Variants in GRHL2 observed in about 807,000 individuals in gnomAD.
The protein encoded by GRHL2 is grainyhead-like protein 2 homolog.
GRHL2 carries 21 observed loss-of-function variants against 83.8 expected under a neutral mutation model. That is an observed-to-expected ratio of 0.25 (90% CI 0.18 to 0.36). The LOEUF (loss-of-function observed/expected upper bound fraction) is 0.36. GRHL2 is among the 10% of genes least tolerant of loss of function. GRHL2 has a pLI of 1.00. For missense variants in GRHL2, 623 were observed against 781.8 expected, an observed-to-expected ratio of 0.80 and a Z score of 2.42; for synonymous variants, 280 against 278.9, an observed-to-expected ratio of 1.00 and a Z score of -0.04.
chr8:101,503,061 T>C (rs552956071), intron 1 of GRHL2, among the ~76,000 whole-genome samples: 1 of 152,300 alleles, frequency 6.6e-6, no homozygotes, highest in East Asian at 1.9e-4. Context: ...TTTATTTAGG[T>C]CGGGAATAAA....
rs932291665 is a variant in GRHL2 at position 101,604,962 on chromosome 8, C to T, written c.1098+5811C>T. Among the ~76,000 whole-genome samples the T allele has an allele frequency of 2.6e-5, 4 of 152,200 alleles. No homozygotes were observed. The South Asian group carries it at 8.3e-4, about 32-fold the overall frequency. Reference sequence around the variant, plus strand: ...GATTACTTTCCTGAGTGATGTCTATCCTGCTCCTCCTTCCCGCTGTGTGTT... The same window carrying T: ...GATTACTTTCCTGAGTGATGTCTATTCTGCTCCTCCTTCCCGCTGTGTGTT... On this transcript the variant is annotated intron_variant, in intron 8 of 15. Transcript: ENST00000646743.
At chr8:101,569,416 A>C (rs6468779) in intron 4 of GRHL2, among the ~76,000 whole-genome samples, 6,509 of 152,246 alleles carry the variant, frequency 0.043, 429 homozygotes, top group African/African-American at 0.15. Context: ...TAGTATTTAT[A>C]CATGTACATA....
chr8:101,598,222 C>T (rs545442767), intron 7 of GRHL2, among the ~76,000 whole-genome samples: 30 of 148,386 alleles, frequency 2.0e-4, no homozygotes, highest in Admixed American at 1.2e-3. Context: ...CTCAACTCTC[C>T]ATACCTAAGT....
intron 7 of GRHL2, among the ~76,000 whole-genome samples, chr8:101,582,255 G>T (rs1344947651): frequency 1.5e-5 from 2 of 130,198 alleles, no homozygotes; most frequent in Admixed American, 7.7e-5. Context: ...AAAAAAAATG[G>T]GACTGACAAA....
intron 1 of GRHL2, among the ~76,000 whole-genome samples, chr8:101,518,675 C>T (rs1289736457): frequency 6.6e-6 from 1 of 152,184 alleles, no homozygotes; most frequent in African/African-American, 2.4e-5. Flanking sequence ...GAACGATTCA[C>T]TCCAAGTCAA....
At chr8:101,586,689 A>G (rs1197203541) in intron 7 of GRHL2, among the ~76,000 whole-genome samples, 1 of 152,200 alleles carries the variant, frequency 6.6e-6, no homozygotes, top group African/African-American at 2.4e-5. Flanking sequence ...CTGGTACAGA[A>G]CCTGGCAGAG....
intron 1 of GRHL2, among the ~76,000 whole-genome samples, chr8:101,532,344 T>A (rs865992225): frequency 5.9e-5 from 9 of 152,234 alleles, no homozygotes; most frequent in Non-Finnish European, 1.3e-4. Flanking sequence ...TATGGTCATT[T>A]TTCTGCTAGG....
At chr8:101,680,742 C>A in the GRHL2 span, among the ~76,000 whole-genome samples, 2 of 129,316 alleles carry the variant, frequency 1.5e-5, no homozygotes, top group Non-Finnish European at 3.2e-5. Context: ...GACCACAGTG[C>A]AATCAAACTA....
intron 1 of GRHL2, among the ~76,000 whole-genome samples, chr8:101,493,370 C>CG (rs952226964): frequency 2.0e-5 from 3 of 152,048 alleles, no homozygotes; most frequent in Non-Finnish European, 2.9e-5. Flanking sequence ...GCTGGGAGGC[C>CG]GGGGGGCGCG....
chr8:101,591,708 G>A (rs1812285604), intron 7 of GRHL2, among the ~76,000 whole-genome samples: 1 of 152,202 alleles, frequency 6.6e-6, no homozygotes. Context: ...TTCGCTGTGG[G>A]AGGAAGATGC....
At chr8:101,512,420 A>T (rs1283646239) in intron 1 of GRHL2, among the ~76,000 whole-genome samples, 2 of 152,156 alleles carry the variant, frequency 1.3e-5, no homozygotes, top group Non-Finnish European at 2.9e-5. Context: ...TTATCCAAAA[A>T]TATGTTATCT....
intron 1 of GRHL2, among the ~76,000 whole-genome samples, chr8:101,542,984 G>T (rs894101508): frequency 1.3e-5 from 2 of 152,144 alleles, no homozygotes; most frequent in African/African-American, 4.8e-5. Context: ...TTTAACTTAG[G>T]TTTTGGAGGT....
intron 14 of GRHL2, among the ~76,000 whole-genome samples, chr8:101,653,516 C>G (rs796367949): frequency 6.6e-6 from 1 of 152,046 alleles, no homozygotes; most frequent in Non-Finnish European, 1.5e-5. Flanking sequence ...AAGATGCCAT[C>G]CCACAGATGG....
chr8:101,652,551 T>TGTG (rs1563627541), intron 14 of GRHL2, among the ~76,000 whole-genome samples: 1 of 97,614 alleles, frequency 1.0e-5, no homozygotes, highest in Non-Finnish European at 2.1e-5. Context: ...GTGTGTGGTG[T>TGTG]GTATGTGTGG....
chr8:101,515,176 G>GCGCACACACA (rs1554582181), intron 1 of GRHL2, among the ~76,000 whole-genome samples: 1 of 144,444 alleles, frequency 6.9e-6, no homozygotes, highest in Non-Finnish European at 1.5e-5. Flanking sequence ...CTGTCTCTCT[G>GCGCACACACA]CACACACACA....
chr8:101,672,398 G>A (rs1332773797), downstream of GRHL2, among the ~76,000 whole-genome samples: 9 of 151,884 alleles, frequency 5.9e-5, no homozygotes, highest in East Asian at 1.9e-4. Flanking sequence ...CGAGAACTAC[G>A]TGAAGAATGC....
intron 2 of GRHL2, among the ~76,000 whole-genome samples, chr8:101,551,624 AAAG>A (rs149880438): frequency 0.095 from 14,235 of 149,252 alleles, 896 homozygotes; most frequent in African/African-American, 0.18. Context: ...GAGCAAAAAA[AAAG>A]AAAGAAAGAA....
chr8:101,550,930 C>A (rs1403121268), intron 2 of GRHL2, among the ~76,000 whole-genome samples: 2 of 152,124 alleles, frequency 1.3e-5, no homozygotes, highest in Admixed American at 6.5e-5. Flanking sequence ...ATAGCATGCA[C>A]CTTAATTTCA....
chr8:101,663,644 A>AAT (rs1172419328), intron 14 of GRHL2, among the ~76,000 whole-genome samples: 9 of 150,944 alleles, frequency 6.0e-5, no homozygotes, highest in Non-Finnish European at 8.8e-5. Context: ...TAAATAAATA[A>AAT]AAATAAAAGT....
Sources: allele counts gnomAD v4.1 joint callset (sites outside exome capture counted in the v4.1 genomes callset), GRCh38; gene constraint gnomAD v4.1.1; transcripts MANE v1.5; gene names NCBI Gene and HGNC (gene_info 2026-07-23, HGNC 2026-07-21).